PPP1R42: variants seen among roughly 807,000 people sequenced by gnomAD.
PPP1R42 encodes the protein protein phosphatase 1 regulatory subunit 42.
Under a neutral mutation model 31.0 loss-of-function variants are expected in PPP1R42, and 34 were observed. That is an observed-to-expected ratio of 1.10 (90% CI 0.83 to 1.46). The LOEUF (loss-of-function observed/expected upper bound fraction) is 1.46, where lower values mean the gene tolerates loss of function less well. PPP1R42 is among the 40% of genes most tolerant of loss of function. The probability of loss-of-function intolerance (pLI) is 0.00; values close to 1 mark genes in which losing one functional copy is unlikely to be tolerated. For missense variants in PPP1R42, 268 were observed against 303.0 expected (o/e 0.88, Z 0.86); for synonymous variants, 103 against 109.8 (o/e 0.94, Z 0.39).
At chr8:66,973,494 CAG>C (rs1814591922) in intron 7 of PPP1R42, among the ~76,000 whole-genome samples, 1 of 152,056 alleles carries the variant, frequency 6.6e-6, no homozygotes, top group South Asian at 2.1e-4. Flanking sequence ...TTGGTAGAGA[CAG>C]GGTTTCGCCA....
At chr8:67,017,425 T>C (rs367856199) in intron 2 of PPP1R42, among the ~76,000 whole-genome samples, 194 bp downstream of exon 2, 14 of 151,866 alleles carry the variant, frequency 9.2e-5, no homozygotes, top group Middle Eastern at 3.4e-3. Flanking sequence ...ACCTGGGAGG[T>C]GGAGGTTGCA....
intron 7 of PPP1R42, among the ~76,000 whole-genome samples, chr8:66,965,363 G>A (rs753851118): frequency 2.0e-5 from 3 of 151,294 alleles, no homozygotes; most frequent in Admixed American, 6.6e-5. Context: ...GTGAGTATAC[G>A]TTTTCATTTA....
chr8:67,016,703 A>T (rs1816025881), intron 2 of PPP1R42, among the ~76,000 whole-genome samples: 1 of 152,176 alleles, frequency 6.6e-6, no homozygotes. Flanking sequence ...TTTGAGACGT[A>T]GTCTCACTTT....
At chr8:67,023,411 G>A (rs930697628) in intron 1 of PPP1R42, among the ~76,000 whole-genome samples, 8 of 152,152 alleles carry the variant, frequency 5.3e-5, no homozygotes, top group African/African-American at 1.4e-4. Context: ...TGCCCAGCTC[G>A]AGTTTTTATT....
chr8:66,994,518 C>T (rs1208835029), intron 5 of PPP1R42, among the ~76,000 whole-genome samples: 1 of 152,128 alleles, frequency 6.6e-6, no homozygotes, highest in East Asian at 1.9e-4. Flanking sequence ...CCTAAGGGAT[C>T]ATTATTTTTT....
chr8:67,002,850 T>C (rs961913495), intron 5 of PPP1R42, among the ~76,000 whole-genome samples: 1 of 151,644 alleles, frequency 6.6e-6, no homozygotes, highest in Non-Finnish European at 1.5e-5. Context: ...TCCAATGAAT[T>C]TTTTATTTTA....
chr8:66,981,440 C>A (rs187834202), intron 7 of PPP1R42, among the ~76,000 whole-genome samples: 2 of 149,074 alleles, frequency 1.3e-5, no homozygotes, highest in South Asian at 4.2e-4. Context: ...AGTGCAATGG[C>A]GCAATCTCGG....
chr8:67,012,113 G>A (rs1187003861), intron 4 of PPP1R42, among the ~76,000 whole-genome samples: 1 of 152,140 alleles, frequency 6.6e-6, no homozygotes, highest in Non-Finnish European at 1.5e-5. Context: ...GCGCACGCCT[G>A]TAGTCCCAGC....
At chr8:67,023,882 T>C (rs1054412421) in intron 1 of PPP1R42, among the ~76,000 whole-genome samples, 6 of 151,892 alleles carry the variant, frequency 4.0e-5, no homozygotes, top group African/African-American at 9.7e-5. Flanking sequence ...CCGTGGCTGA[T>C]GCCTGTAATC....
chr8:67,027,723 A>C (rs1026435680), intron 1 of PPP1R42, among the ~76,000 whole-genome samples: 2 of 152,224 alleles, frequency 1.3e-5, no homozygotes, highest in Non-Finnish European at 2.9e-5. Flanking sequence ...AATAAAAATA[A>C]TGTCCGCACT....
intron 5 of PPP1R42, among the ~76,000 whole-genome samples, chr8:66,989,798 C>T (rs1307263661): frequency 6.6e-6 from 1 of 152,124 alleles, no homozygotes; most frequent in Non-Finnish European, 1.5e-5. Flanking sequence ...GGCACTGCTG[C>T]TTACTGTGTG....
At chr8:67,004,590 TATTC>T (rs1815614419) in intron 5 of PPP1R42, among the ~76,000 whole-genome samples, 1 of 152,256 alleles carries the variant, frequency 6.6e-6, no homozygotes, top group Non-Finnish European at 1.5e-5. Flanking sequence ...AGTGCTCTGT[TATTC>T]ATGTTTCTTT....
intron 5 of PPP1R42, among the ~76,000 whole-genome samples, chr8:66,998,791 G>A (rs902698643): frequency 3.0e-4 from 45 of 152,122 alleles, no homozygotes; most frequent in East Asian, 1.4e-3. Context: ...TGCATCTATT[G>A]AGATGATCAT....
chr8:67,019,237 CTTTTTTTTTTTT>C (rs1186280936), intron 1 of PPP1R42, among the ~76,000 whole-genome samples: 1 of 91,670 alleles, frequency 1.1e-5, no homozygotes, highest in South Asian at 3.6e-4. Context: ...TTATGAGCAT[CTTTTTTTTTTTT>C]TTTTTTTTTT....
chr8:66,988,473 A>G lies in PPP1R42; in HGVS notation c.597T>C (p.Ile199=). ...LLNKLMKLWK[I]DLNGNPVCLK... ...GACAAACAGGATTTCCATTTAGATC[A>G]ATTTTCCACAGCTTCATCAACTTGT... Residue 199 remains isoleucine, a synonymous_variant, in exon 6 of 8, where the codon ATT becomes ATC. Coordinates refer to ENST00000685739, the MANE Select transcript of PPP1R42 (RefSeq NM_001364910.1). 6.2e-7 allele frequency: 1 copy of G among 1,611,582 alleles called. No individual in the cohort carries two copies. The highest frequency in any genetic ancestry group is 8.5e-7 in the Non-Finnish European group (1 of 1,178,840).
At chr8:66,988,562 A>G in intron 5 of PPP1R42, 45 bp from the exon 6 acceptor site, 1 of 1,529,236 alleles carries the variant, frequency 6.5e-7, no homozygotes, top group South Asian at 1.2e-5. Context: ...TTTCATATTT[A>G]CCAATACTTC....
At chr8:67,003,483 T>C (rs1815573791) in intron 5 of PPP1R42, among the ~76,000 whole-genome samples, 1 of 149,306 alleles carries the variant, frequency 6.7e-6, no homozygotes, top group Non-Finnish European at 1.5e-5. Flanking sequence ...CTGTGGTCAA[T>C]ATTCATCTTG....
At chr8:67,006,475 T>G (rs1465114208) in intron 5 of PPP1R42, among the ~76,000 whole-genome samples, 1 of 152,212 alleles carries the variant, frequency 6.6e-6, no homozygotes, top group African/African-American at 2.4e-5. Flanking sequence ...CCTGAGTACC[T>G]GGGACTGAGT....
chr8:67,020,266 G>A, intron 1 of PPP1R42, among the ~76,000 whole-genome samples: 2 of 152,070 alleles, frequency 1.3e-5, no homozygotes, highest in Non-Finnish European at 2.9e-5. Flanking sequence ...GCAATGGCGC[G>A]ATCTCGGCTC....
Sources: gnomAD v4.1 joint callset for allele counts (sites outside exome capture counted in the v4.1 genomes callset) on GRCh38, gnomAD v4.1.1 for gene constraint, MANE v1.5 for transcripts, NCBI Gene and HGNC (gene_info 2026-07-23, HGNC 2026-07-21) for gene names.